The following CHAT variants were observed in gnomAD, a reference collection of about 807,000 sequenced individuals.
The protein encoded by CHAT is acetyl CoA:choline O-acetyltransferase.
In CHAT, 61 loss-of-function variants were observed where a neutral mutation model predicts 76.9. The ratio of observed to expected loss-of-function variants is 0.79; its 90% CI spans 0.65 to 0.98. The LOEUF is 0.98. Ranked by LOEUF, CHAT falls within the 50% of genes least tolerant of loss-of-function variation. The pLI, the probability that CHAT is intolerant of heterozygous loss-of-function variation, is 0.00. For missense variants in CHAT, 946 were observed against 986.9 expected (o/e 0.96, Z 0.56); for synonymous variants, 407 against 397.4 (o/e 1.02, Z -0.29).
At position 49,666,986 on chromosome 10, in the gene CHAT, G is replaced by A. The variant is rs1185832813; in HGVS notation, c.*1940G>A. Among the ~76,000 whole-genome samples the A allele has an allele frequency of 1.3e-5, 2 of 152,204 alleles. No homozygotes were observed. The highest frequency in any genetic ancestry group is 2.9e-5 in the Non-Finnish European group (2 of 68,028). ...TGCGCAGACATAGAGCTCCAGCTATGGGGCCAGGCAGCCCCACCAACCTCG... is the reference window on the plus strand; with the variant it reads ...TGCGCAGACATAGAGCTCCAGCTATAGGGCCAGGCAGCCCCACCAACCTCG... On this transcript the variant is annotated 3_prime_UTR_variant, in exon 15 of 15. Coordinates refer to ENST00000337653, the MANE Select transcript of CHAT (RefSeq NM_020549.5).
At position 49,640,566 on chromosome 10, in the gene CHAT, G is replaced by C. The variant is rs543939805; in HGVS notation, c.1112-5939G>C. Among the ~76,000 whole-genome samples, 184 of 152,218 alleles carry C rather than the reference G, an allele frequency of 1.2e-3. 1 individual carries two copies. Among genetic ancestry groups the C allele is most frequent in the Middle Eastern group, 6.8e-3 (2 of 294 alleles). ...ATGCTGTGTGGGGAAAAGGACGGAG[G>C]GCTGGTTATTGCTCAATGGAGATAG... On this transcript the variant is annotated intron_variant, in intron 7 of 14. Transcript: ENST00000337653.
At chr10:49,664,368 C>A (rs1840286982) in intron 14 of CHAT, among the ~76,000 whole-genome samples, 1 of 152,276 alleles carries the variant, frequency 6.6e-6, no homozygotes, top group East Asian at 1.9e-4. Context: ...GAGGATGGGC[C>A]AGATTTCCTC....
At chr10:49,611,164 AGC>A, upstream of CHAT, 1 of 1,614,126 alleles carries the variant, frequency 6.2e-7, no homozygotes, top group Non-Finnish European at 8.5e-7. Context: ...GAACCCCTTG[AGC>A]GGGCCCTTCA....
At chr10:49,655,277 G>A (rs765308998) in intron 12 of CHAT, 41 bp downstream of exon 12, 1 of 1,613,974 alleles carries the variant, frequency 6.2e-7, no homozygotes, top group South Asian at 1.1e-5. Flanking sequence ...AAACCAGTGA[G>A]GCTGCTGTGG....
chr10:49,624,747 G>A (rs1386799961), intron 5 of CHAT, among the ~76,000 whole-genome samples: 2 of 120,116 alleles, frequency 1.7e-5, no homozygotes, highest in African/African-American at 5.6e-5. Context: ...ATGGATGGAT[G>A]GATGGATGGA....
At chr10:49,648,654 G>A in intron 9 of CHAT, 47 bp downstream of exon 9, 1 of 1,315,870 alleles carries the variant, frequency 7.6e-7, no homozygotes, top group Non-Finnish European at 1.1e-6. Flanking sequence ...AAAAAATGTG[G>A]GTGGTCGCTG....
chr10:49,612,445 C>A, upstream of CHAT: 2 of 1,106,872 alleles, frequency 1.8e-6, no homozygotes, highest in Non-Finnish European at 2.6e-6. Flanking sequence ...CCAGCGAGTA[C>A]CCCAGCCACT....
chr10:49,635,576 A>G (rs1043029455), intron 7 of CHAT, among the ~76,000 whole-genome samples: 1 of 152,226 alleles, frequency 6.6e-6, no homozygotes, highest in African/African-American at 2.4e-5. Context: ...GTTTCTATGC[A>G]TCTTTGCCAG....
intron 8 of CHAT, among the ~76,000 whole-genome samples, chr10:49,647,435 A>C (rs1839708106): frequency 6.6e-6 from 1 of 152,224 alleles, no homozygotes; most frequent in Admixed American, 6.5e-5. Context: ...TGTAGTATAA[A>C]ACAGCAGGCA....
upstream of CHAT, chr10:49,611,127 T>C (rs750454630): frequency 1.2e-6 from 2 of 1,614,134 alleles, no homozygotes; most frequent in South Asian, 1.1e-5. Flanking sequence ...TGCTGTTTGC[T>C]TCCAAGGCTA....
intron 14 of CHAT, among the ~76,000 whole-genome samples, chr10:49,663,530 A>G (rs1335834780): frequency 6.6e-6 from 1 of 152,232 alleles, no homozygotes; most frequent in African/African-American, 2.4e-5. Context: ...CCACGCAACC[A>G]ACAGCAGAAC....
At chr10:49,629,481 T>C (rs991329218) in intron 7 of CHAT, among the ~76,000 whole-genome samples, 4 of 152,168 alleles carry the variant, frequency 2.6e-5, no homozygotes, top group Admixed American at 6.5e-5. Context: ...GAGACCATGG[T>C]GTAATCAAAT....
chr10:49,654,060 T>A (rs1484350976), intron 11 of CHAT, among the ~76,000 whole-genome samples: 1 of 152,266 alleles, frequency 6.6e-6, no homozygotes, highest in Non-Finnish European at 1.5e-5. Flanking sequence ...CAATTGTTTT[T>A]ATCTGCCCCC....
intron 2 of CHAT, among the ~76,000 whole-genome samples, chr10:49,617,743 C>T (rs906244141): frequency 3.9e-5 from 6 of 152,100 alleles, no homozygotes; most frequent in Non-Finnish European, 5.9e-5. Flanking sequence ...GACCACCCCC[C>T]CCACCGCAAG....
At chr10:49,614,772 T>C (rs1838421515) in intron 1 of CHAT, among the ~76,000 whole-genome samples, 1 of 152,180 alleles carries the variant, frequency 6.6e-6, no homozygotes, top group Admixed American at 6.5e-5. Flanking sequence ...CTGTGTCTAG[T>C]CGGAGGGTCC....
At chr10:49,623,474 T>G (rs1297273902) in intron 5 of CHAT, among the ~76,000 whole-genome samples, 1 of 152,206 alleles carries the variant, frequency 6.6e-6, no homozygotes, top group Non-Finnish European at 1.5e-5. Flanking sequence ...CTTTGCAATG[T>G]AGTTATGCTG....
At chr10:49,616,191 C>A (rs988833926) in intron 1 of CHAT, 11 of 1,202,264 alleles carry the variant, frequency 9.1e-6, no homozygotes, top group African/African-American at 1.5e-5. Context: ...CAGCACTCTG[C>A]CAGCAACCCC....
intron 8 of CHAT, among the ~76,000 whole-genome samples, chr10:49,647,519 C>T (rs1216591822): frequency 6.6e-6 from 1 of 152,218 alleles, no homozygotes; most frequent in Non-Finnish European, 1.5e-5. Context: ...ACCTCGTTTT[C>T]CTTTCTCTCT....
rs1010037579 is a variant in CHAT, at chr10:49,665,315, G to A, written c.*269G>A. On this transcript the variant is annotated 3_prime_UTR_variant, in exon 15 of 15. Coordinates refer to ENST00000337653, the MANE Select transcript of CHAT (RefSeq NM_020549.5). ...GCTCAGAGGCAGCCTGGATGCACTGGGGAACCACACTAAGGACTCCTTCTG... is the reference window on the plus strand; with the variant it reads ...GCTCAGAGGCAGCCTGGATGCACTGAGGAACCACACTAAGGACTCCTTCTG... Among the ~76,000 whole-genome samples the A allele has an allele frequency of 1.3e-5, 2 of 152,136 alleles. No homozygotes were observed. Among genetic ancestry groups the A allele is most frequent in the African/African-American group, 4.8e-5 (2 of 41,422 alleles).
Sources: gnomAD v4.1 joint callset for allele counts (sites outside exome capture counted in the v4.1 genomes callset) on GRCh38, gnomAD v4.1.1 for gene constraint, MANE v1.5 for transcripts, NCBI Gene and HGNC (gene_info 2026-07-23, HGNC 2026-07-21) for gene names.